Variants in EPC1 observed in about 807,000 individuals in gnomAD.
EPC1 encodes the protein enhancer of polycomb 1.
In EPC1, 12 loss-of-function variants were observed where a neutral mutation model predicts 98.4. The ratio of observed to expected loss-of-function variants is 0.12; its 90% CI spans 0.08 to 0.20. The LOEUF is 0.20. Among genes scored for constraint, EPC1 ranks in the 10% least tolerant of loss-of-function variants. The pLI, the probability that EPC1 is intolerant of heterozygous loss-of-function variation, is 1.00. For synonymous variants in EPC1, 357 were observed against 363.9 expected, an observed-to-expected ratio of 0.98 and a Z score of 0.21; for missense variants, 729 against 990.5, an observed-to-expected ratio of 0.74 and a Z score of 3.54.
chr10:32,301,321 A>G (rs1173896814), intron 2 of EPC1, among the ~76,000 whole-genome samples: 1 of 152,216 alleles, frequency 6.6e-6, no homozygotes, highest in Admixed American at 6.5e-5. Context: ...TGTGTTCATG[A>G]CCTGGAAGAT....
At chr10:32,269,255 C>A in intron 13 of EPC1, 120 bp from the exon 14 acceptor site, 1 of 720,628 alleles carries the variant, frequency 1.4e-6, no homozygotes, top group South Asian at 1.7e-5. Context: ...TCTTTGGGAA[C>A]AAGCTAGCAA....
upstream of EPC1, chr10:32,347,238 G>A (rs1838908670): frequency 3.3e-6 from 4 of 1,207,698 alleles, no homozygotes; most frequent in Non-Finnish European, 4.1e-6. Flanking sequence ...GAGGGAGCGC[G>A]GGCTCGAGGC....
intron 1 of EPC1, among the ~76,000 whole-genome samples, chr10:32,333,359 C>T (rs570675229): frequency 6.6e-6 from 1 of 152,134 alleles, no homozygotes; most frequent in Admixed American, 6.5e-5. Context: ...AACAAAAATC[C>T]CCCACAAAAA....
At chr10:32,345,279 CA>C in intron 1 of EPC1, 1 of 985,402 alleles carries the variant, frequency 1.0e-6, no homozygotes, top group Non-Finnish European at 1.2e-6. Flanking sequence ...CTACTACATA[CA>C]CTTGGCTTAT....
chr10:32,343,431 G>A (rs112746205), intron 1 of EPC1, among the ~76,000 whole-genome samples: 6,126 of 152,150 alleles, frequency 0.04, 408 homozygotes, highest in African/African-American at 0.14. Flanking sequence ...GGCTGGTCTC[G>A]AACTCCTGAC....
At chr10:32,358,656 G>C (rs536627561) in intron 1 of EPC1, among the ~76,000 whole-genome samples, 8 of 148,452 alleles carry the variant, frequency 5.4e-5, no homozygotes, top group South Asian at 2.2e-4. Flanking sequence ...AAGCGGGGGC[G>C]GGGGGGGAAG....
chr10:32,290,854 A>C (rs1258259356), intron 6 of EPC1, among the ~76,000 whole-genome samples: 1 of 151,654 alleles, frequency 6.6e-6, no homozygotes, highest in East Asian at 1.9e-4. Context: ...GGCTCACTGC[A>C]ACCTCCACCT....
intron 1 of EPC1, chr10:32,377,023 G>C (rs1211758064): frequency 1.3e-5 from 2 of 151,974 alleles, no homozygotes; most frequent in Non-Finnish European, 2.9e-5. Flanking sequence ...GGAGGCTTTG[G>C]GCCTAAATCC....
chr10:32,278,412 C>T (rs1215695359), intron 10 of EPC1, among the ~76,000 whole-genome samples: 33 of 113,902 alleles, frequency 2.9e-4, no homozygotes, highest in Middle Eastern at 0.012. Flanking sequence ...GACGGAGTCT[C>T]GCTCTGTCGC....
intron 10 of EPC1, among the ~76,000 whole-genome samples, chr10:32,280,501 GA>G (rs1455371866): frequency 6.6e-5 from 10 of 151,590 alleles, no homozygotes. Context: ...AGCATATTGG[GA>G]GGCCGAAACG....
At chr10:32,344,631 T>C (rs1051098895) in intron 1 of EPC1, among the ~76,000 whole-genome samples, 1 of 151,890 alleles carries the variant, frequency 6.6e-6, no homozygotes, top group Non-Finnish European at 1.5e-5. Context: ...GTTAAAAGTA[T>C]AAAAATCGGC....
At chr10:32,350,165 C>T (rs7910776), upstream of EPC1, among the ~76,000 whole-genome samples, 22,885 of 152,180 alleles carry the variant, frequency 0.15, 2,039 homozygotes, top group South Asian at 0.33. Context: ...AATACCCTAA[C>T]GGCAGAGGGA....
intron 1 of EPC1, among the ~76,000 whole-genome samples, chr10:32,363,387 T>C (rs1839499708): frequency 6.6e-6 from 1 of 152,238 alleles, no homozygotes; most frequent in Admixed American, 6.5e-5. Context: ...AGCCCATTTT[T>C]TCTTGAAGAA....
At position 32,287,088 on chromosome 10, in the gene EPC1, G is replaced by T. The variant is rs774992522; in HGVS notation, c.1152+10C>A. The T allele has an allele frequency of 7.2e-5, 116 of 1,613,968 alleles. 1 individual carries two copies. The Middle Eastern group carries it at 1.8e-3, about 25-fold the overall frequency. The stretch of plus-strand genomic sequence containing the variant: ...CCCTCCTCAATGTTCATAGAGAATT[G>T]TATTTGTACCTGGGAGAGAGGTTCT... On this transcript the variant is annotated intron_variant, in intron 7 of 13. Transcript: ENST00000319778.
At chr10:32,321,928 C>G (rs1554822298) in intron 1 of EPC1, among the ~76,000 whole-genome samples, 3 of 151,506 alleles carry the variant, frequency 2.0e-5, no homozygotes, top group Non-Finnish European at 2.9e-5. Flanking sequence ...CAACAGCATC[C>G]TAGGTATAAG....
intron 1 of EPC1, among the ~76,000 whole-genome samples, chr10:32,355,211 T>G (rs528769910): frequency 6.6e-6 from 1 of 152,310 alleles, no homozygotes; most frequent in African/African-American, 2.4e-5. Flanking sequence ...AAGCAGTTGA[T>G]ACCTCTATGA....
intron 1 of EPC1, among the ~76,000 whole-genome samples, chr10:32,331,677 C>G (rs1837649754): frequency 6.6e-6 from 1 of 152,176 alleles, no homozygotes; most frequent in African/African-American, 2.4e-5. Context: ...AAGACTACCT[C>G]AGATTGTTTT....
chr10:32,347,308 G>A, upstream of EPC1: 1 of 608,964 alleles, frequency 1.6e-6, no homozygotes, highest in Non-Finnish European at 2.1e-6. Context: ...CTCGCTTCCC[G>A]CGCCTCGCTG....
upstream of EPC1, among the ~76,000 whole-genome samples, chr10:32,350,316 G>A (rs1839075605): frequency 2.0e-5 from 3 of 152,216 alleles, no homozygotes; most frequent in South Asian, 6.2e-4. Context: ...AGTTGCCCAA[G>A]TGGCAAGGCA....
Sources: allele counts gnomAD v4.1 joint callset (sites outside exome capture counted in the v4.1 genomes callset), GRCh38; gene constraint gnomAD v4.1.1; transcripts MANE v1.5; gene names NCBI Gene and HGNC (gene_info 2026-07-23, HGNC 2026-07-21).